The following LNX1 variants were observed in gnomAD, a reference collection of about 807,000 sequenced individuals.
The protein encoded by LNX1 is E3 ubiquitin-protein ligase LNX.
In LNX1, 54 loss-of-function variants were observed where a neutral mutation model predicts 68.4. The ratio of observed to expected loss-of-function variants is 0.79; its 90% CI spans 0.63 to 0.99. The LOEUF (loss-of-function observed/expected upper bound fraction) is 0.99. Ranked by LOEUF, LNX1 falls within the 50% of genes least tolerant of loss-of-function variation. The pLI, the probability that LNX1 is intolerant of heterozygous loss-of-function variation, is 0.00. For synonymous variants in LNX1, 336 were observed against 350.0 expected (o/e 0.96, Z 0.45); for missense variants, 906 against 926.4 (o/e 0.98, Z 0.29).
At chr4:53,557,881 A>C in intron 2 of LNX1, 1 of 1,613,320 alleles carries the variant, frequency 6.2e-7, no homozygotes, top group Non-Finnish European at 8.5e-7. Context: ...CACAGTTCTG[A>C]ATACAGGAAG....
chr4:53,550,646 C>T (rs1400930962), intron 2 of LNX1, among the ~76,000 whole-genome samples: 1 of 152,162 alleles, frequency 6.6e-6, no homozygotes, highest in Non-Finnish European at 1.5e-5. Flanking sequence ...CACTCACTCC[C>T]GACTCATTCA....
intron 1 of LNX1, among the ~76,000 whole-genome samples, chr4:53,651,132 T>C (rs915229568): frequency 1.3e-5 from 2 of 152,208 alleles, no homozygotes; most frequent in African/African-American, 4.8e-5. Context: ...CCTCAGGCTA[T>C]GCTCCTCTCC....
At chr4:53,499,518 G>A (rs140127345) in intron 4 of LNX1, among the ~76,000 whole-genome samples, 3 of 152,178 alleles carry the variant, frequency 2.0e-5, no homozygotes, top group South Asian at 2.1e-4. Context: ...ATAAACTCTC[G>A]CTGTTCCATG....
In LNX1 at chr4:53,638,439, G is replaced by A. The variant is rs536211483; in HGVS notation, c.-215+13729C>T. Reference sequence around the variant, plus strand: ...CAAACTCAATGCTCATGGTGCTTTTGTGGTTATTTGTGGGCATGCTCAAAG... The same window carrying A: ...CAAACTCAATGCTCATGGTGCTTTTATGGTTATTTGTGGGCATGCTCAAAG... On this transcript the variant is annotated intron_variant, in intron 1 of 2. Transcript: ENST00000507168. Among the ~76,000 whole-genome samples, 238 of 152,260 alleles carry A rather than the reference G, an allele frequency of 1.6e-3. 1 individual carries two copies. The highest frequency in any genetic ancestry group is 5.5e-3 in the African/African-American group (229 of 41,538).
intron 1 of LNX1, among the ~76,000 whole-genome samples, chr4:53,647,102 A>T (rs947239723): frequency 6.6e-6 from 1 of 152,214 alleles, no homozygotes; most frequent in Non-Finnish European, 1.5e-5. Flanking sequence ...GCTTCATCTG[A>T]CAGAGGCTGT....
Position 53,460,929 on chromosome 4 carries a change from G to A in LNX1, c.2165C>T (p.Ser722Phe). 1 of 1,609,638 alleles carries A rather than the reference G, an allele frequency of 6.2e-7. No individual in the cohort carries two copies. The highest frequency in any genetic ancestry group is 8.5e-7 in the Non-Finnish European group (1 of 1,178,390). ...LKGRITLTIV[S>F]WPGTFL ...ATTCTATAAAAAAGTGCCAGGCCAAGAAACAATAGTTAGAGTAATTCTTCC... is the reference window on the plus strand; with the variant it reads ...ATTCTATAAAAAAGTGCCAGGCCAAAAAACAATAGTTAGAGTAATTCTTCC... The change falls in exon 11 of 11, where the codon TCT (serine) becomes TTT (phenylalanine). Residue 722 changes from serine to phenylalanine, a missense_variant. Transcript: ENST00000263925.
intron 1 of LNX1, among the ~76,000 whole-genome samples, chr4:53,639,535 T>A (rs546179798): frequency 6.6e-6 from 1 of 152,340 alleles, no homozygotes; most frequent in East Asian, 1.9e-4. Flanking sequence ...GAAACGTACA[T>A]TAAACAAGGT....
chr4:53,513,075 T>C (rs1362175162), intron 2 of LNX1, among the ~76,000 whole-genome samples: 2 of 149,854 alleles, frequency 1.3e-5, no homozygotes, highest in Non-Finnish European at 3.0e-5. Context: ...CTCCATCCTC[T>C]ACCCCACTGC....
At chr4:53,508,591 A>G (rs1726097862) in intron 2 of LNX1, among the ~76,000 whole-genome samples, 1 of 152,202 alleles carries the variant, frequency 6.6e-6, no homozygotes, top group South Asian at 2.1e-4. Context: ...TATTTTGACC[A>G]TGAAAGCCCT....
intron 2 of LNX1, among the ~76,000 whole-genome samples, chr4:53,514,973 C>T (rs944717544): frequency 9.9e-5 from 15 of 151,844 alleles, no homozygotes; most frequent in Non-Finnish European, 2.1e-4. Context: ...ACCTAAATAC[C>T]CCATCCAAAC....
In LNX1 at chr4:53,481,767, T is replaced by G. The variant is rs1723928351; in HGVS notation, c.1438A>C (p.Asn480His). 1 of 1,613,988 alleles carries G rather than the reference T, an allele frequency of 6.2e-7. No individual in the cohort carries two copies. The highest frequency in any genetic ancestry group is 8.5e-7 in the Non-Finnish European group (1 of 1,179,908). The change falls in exon 7 of 11, where the codon AAT (asparagine) becomes CAT (histidine). Residue 480 changes from asparagine to histidine, a missense_variant. Asn to His is a moderately conservative substitution (Grantham distance 68, BLOSUM62 1). Transcript: ENST00000263925. Reference sequence around the variant, plus strand: ...CCTGGCCCTGGGGACCAGCTGCCATTGCTGTTCCAGCCGGCTTCCTGAAAG... The same window carrying G: ...CCTGGCCCTGGGGACCAGCTGCCATGGCTGTTCCAGCCGGCTTCCTGAAAG... Reference protein sequence around the residue: ...DIFQEAGWNSNGSWSPGPGER... With the variant: ...DIFQEAGWNSHGSWSPGPGER...
At chr4:53,611,507 A>C (rs1223027748) in intron 2 of LNX1, among the ~76,000 whole-genome samples, 1 of 152,174 alleles carries the variant, frequency 6.6e-6, no homozygotes, top group Non-Finnish European at 1.5e-5. Context: ...GTTTCTAGAG[A>C]AAAATAAATA....
chr4:53,502,796 T>C (rs1484608168), intron 4 of LNX1, among the ~76,000 whole-genome samples: 2 of 152,240 alleles, frequency 1.3e-5, no homozygotes, highest in Non-Finnish European at 2.9e-5. Flanking sequence ...CAATCCTTTG[T>C]TGTCGTTTCA....
intron 2 of LNX1, among the ~76,000 whole-genome samples, chr4:53,551,150 C>T (rs1011704638): frequency 1.1e-4 from 17 of 152,070 alleles, no homozygotes; most frequent in African/African-American, 4.1e-4. Flanking sequence ...GGGCCTACCA[C>T]ATTTTGCAGG....
At chr4:53,507,490 G>A (rs1383054592) in intron 3 of LNX1, 21 bp from the exon 4 acceptor site, 2 of 1,610,188 alleles carry the variant, frequency 1.2e-6, no homozygotes, top group Non-Finnish European at 1.7e-6. Context: ...GCGACAGGAG[G>A]AACAGTAGTT....
intron 2 of LNX1, among the ~76,000 whole-genome samples, chr4:53,569,594 T>C (rs1379532956): frequency 1.0e-4 from 15 of 149,694 alleles, no homozygotes; most frequent in African/African-American, 2.7e-4. Context: ...ATTCAGGACA[T>C]AGGCATGGGC....
intron 9 of LNX1, among the ~76,000 whole-genome samples, chr4:53,463,905 A>C (rs1722416157): frequency 6.6e-6 from 1 of 152,134 alleles, no homozygotes; most frequent in Non-Finnish European, 1.5e-5. Context: ...AAGTCTGCAG[A>C]CTACAAAAAA....
chr4:53,507,031 T>C (rs1324966348), intron 4 of LNX1, among the ~76,000 whole-genome samples: 1 of 152,108 alleles, frequency 6.6e-6, no homozygotes, highest in Non-Finnish European at 1.5e-5. Context: ...TTGTTTTAAA[T>C]GTTTTTCACT....
chr4:53,508,442 ACG>A (rs1198487498), intron 2 of LNX1: 1 of 570,462 alleles, frequency 1.8e-6, no homozygotes, highest in East Asian at 3.1e-5. Context: ...TTTTTTAAAG[ACG>A]CCCACTGCAT....
Sources: gnomAD v4.1 joint callset for allele counts (sites outside exome capture counted in the v4.1 genomes callset) on GRCh38, gnomAD v4.1.1 for gene constraint, MANE v1.5 for transcripts, NCBI Gene and HGNC (gene_info 2026-07-23, HGNC 2026-07-21) for gene names.